The following DCDC1 variants were observed in gnomAD, a reference collection of about 807,000 sequenced individuals.
The protein encoded by DCDC1 is doublecortin domain containing 1, also known as doublecortin domain-containing protein 1.
Under a neutral mutation model 178.3 loss-of-function variants are expected in DCDC1, and 200 were observed. That is an observed-to-expected ratio of 1.12 (90% CI 1.00 to 1.26). The LOEUF (loss-of-function observed/expected upper bound fraction) is 1.26, where lower values mean the gene tolerates loss of function less well. Among genes scored for constraint, DCDC1 ranks in the 50% most tolerant of loss-of-function variants. DCDC1 has a pLI of 0.00. For synonymous variants in DCDC1, 690 were observed against 604.8 expected (o/e 1.14, Z -2.07); for missense variants, 1,983 against 1,749.2 (o/e 1.13, Z -2.38).
chr11:30,878,035 T>C (rs1942297938), intron 38 of DCDC1, among the ~76,000 whole-genome samples: 1 of 152,194 alleles, frequency 6.6e-6, no homozygotes, highest in Admixed American at 6.5e-5. Context: ...CCTTCTTTTC[T>C]TGGAAGAAAA....
In DCDC1 at chr11:30,925,352, C is replaced by T. The variant is rs757064531; in HGVS notation, c.2954G>A (p.Gly985Glu). 3.7e-6 allele frequency: 6 copies of T among 1,613,656 alleles called. No homozygotes were observed. In the South Asian group the frequency reaches 4.4e-5, roughly 12 times the overall value. ...GTCTTTTAAGGCAAATATTTCCTTC[C>T]CCTTTTCATTGTACAATCTCCGAGC... ...SAARRLYNEK[G>E]KEIFALKDLQ... The change falls in exon 23 of 39, where the codon GGG (glycine) becomes GAG (glutamate). Residue 985 changes from glycine to glutamate, a missense_variant. Coordinates refer to ENST00000684477, the MANE Select transcript of DCDC1 (RefSeq NM_001387274.1).
Position 30,920,766 on chromosome 11 carries a change from G to A in DCDC1, c.3293+10C>T. 6.2e-7 allele frequency: 1 copy of A among 1,612,832 alleles called. No individual in the cohort carries two copies. The highest frequency in any genetic ancestry group is 1.1e-5 in the South Asian group (1 of 90,772). On this transcript the variant is annotated intron_variant, in intron 25 of 38. Transcript: ENST00000684477. ...GCCAGGTAGCTTTTCAGGCTACACT[G>A]ATTACTTACAGAATTTCACTGGAAG...
chr11:31,163,735 G>T (rs1219171061), intron 9 of DCDC1, among the ~76,000 whole-genome samples: 2 of 152,074 alleles, frequency 1.3e-5, no homozygotes, highest in Non-Finnish European at 2.9e-5. Context: ...TATTTTAAGG[G>T]GGGATGGTAC....
intron 9 of DCDC1, among the ~76,000 whole-genome samples, chr11:31,144,971 A>G (rs1964281747): frequency 6.6e-6 from 1 of 152,104 alleles, no homozygotes; most frequent in Non-Finnish European, 1.5e-5. Flanking sequence ...TTATGACTCC[A>G]ACTATATTAT....
Position 31,159,806 on chromosome 11 carries a change from C to T in DCDC1, c.1222-22022G>A, listed in dbSNP as rs113380704. 8.3e-3 allele frequency among the ~76,000 whole-genome samples: 1,259 copies of T among 152,290 alleles called. 22 individuals are homozygous for T. Among genetic ancestry groups the T allele is most frequent in the African/African-American group, 0.029 (1,205 of 41,554 alleles). On this transcript the variant is annotated intron_variant, in intron 9 of 38. Transcript: ENST00000684477. Reference sequence around the variant, plus strand: ...AAAAGAAAAAAAATCAATGGCTTAGCTGTGTAGGTGGCATGATCCTGTGTA... The same window carrying T: ...AAAAGAAAAAAAATCAATGGCTTAGTTGTGTAGGTGGCATGATCCTGTGTA...
intron 20 of DCDC1, among the ~76,000 whole-genome samples, chr11:30,963,214 G>A (rs1407952683): frequency 1.3e-5 from 2 of 152,092 alleles, no homozygotes; most frequent in Admixed American, 1.3e-4. Flanking sequence ...AGAAACCAAG[G>A]AAGAATAATC....
intron 7 of DCDC1, among the ~76,000 whole-genome samples, chr11:31,278,625 T>C (rs577922813): frequency 5.3e-5 from 8 of 152,176 alleles, no homozygotes; most frequent in Non-Finnish European, 1.0e-4. Flanking sequence ...TTAATAACAG[T>C]ATATTATACA....
chr11:31,342,918 G>A (rs1422687035), intron 1 of DCDC1, among the ~76,000 whole-genome samples: 1 of 152,180 alleles, frequency 6.6e-6, no homozygotes, highest in Non-Finnish European at 1.5e-5. Flanking sequence ...TTCAGTGAAA[G>A]AGGTAATTAT....
chr11:31,059,519 T>C (rs1262141050), intron 20 of DCDC1, among the ~76,000 whole-genome samples: 1 of 152,066 alleles, frequency 6.6e-6, no homozygotes, highest in African/African-American at 2.4e-5. Context: ...AAAAGTAATG[T>C]AATAAAGCCT....
At chr11:30,939,574 C>T (rs1372312014) in intron 21 of DCDC1, among the ~76,000 whole-genome samples, 1 of 152,160 alleles carries the variant, frequency 6.6e-6, no homozygotes, top group Non-Finnish European at 1.5e-5. Flanking sequence ...TAAAATCTTC[C>T]CAAATGTTGC....
intron 8 of DCDC1, among the ~76,000 whole-genome samples, chr11:31,244,835 A>G (rs1407187876): frequency 6.6e-6 from 1 of 151,746 alleles, no homozygotes; most frequent in Admixed American, 6.6e-5. Context: ...AGTTATGACT[A>G]TAGGGCAAAA....
chr11:31,013,749 T>A (rs1952311727), intron 20 of DCDC1, among the ~76,000 whole-genome samples: 7 of 152,240 alleles, frequency 4.6e-5, no homozygotes. Flanking sequence ...TGTAAATTTA[T>A]AATATAATTT....
At chr11:31,153,358 G>A (rs1965372392) in intron 9 of DCDC1, among the ~76,000 whole-genome samples, 1 of 152,004 alleles carries the variant, frequency 6.6e-6, no homozygotes, top group African/African-American at 2.4e-5. Context: ...GAAATTATGA[G>A]AGACTCTCAA....
At chr11:31,244,186 G>C (rs909077204) in intron 8 of DCDC1, among the ~76,000 whole-genome samples, 3 of 151,614 alleles carry the variant, frequency 2.0e-5, no homozygotes, top group Non-Finnish European at 4.4e-5. Flanking sequence ...ATTTAAAAAG[G>C]AGCCTCGGCC....
At chr11:31,183,367 T>C (rs1409073735) in intron 9 of DCDC1, among the ~76,000 whole-genome samples, 1 of 152,082 alleles carries the variant, frequency 6.6e-6, no homozygotes. Flanking sequence ...CCTCAGCAAA[T>C]GCAGAATGGA....
chr11:31,002,640 G>A (rs1951638390), intron 20 of DCDC1, among the ~76,000 whole-genome samples: 1 of 152,110 alleles, frequency 6.6e-6, no homozygotes, highest in Non-Finnish European at 1.5e-5. Flanking sequence ...TAATCCTTCA[G>A]TTATTCCTCT....
In DCDC1 at chr11:31,064,640, T is replaced by C. The variant is rs368837104; in HGVS notation, c.2434-14A>G. On this transcript the variant is annotated splice_polypyrimidine_tract_variant and intron_variant, in intron 19 of 38. Coordinates refer to ENST00000684477, the MANE Select transcript of DCDC1 (RefSeq NM_001387274.1). ...TTCTTGCAGAACCTAATAAATGAAA[T>C]ATAGGAATCATGTAGCTAATTTTCA... 1 of 764,934 alleles carries C rather than the reference T, an allele frequency of 1.3e-6. No individual in the cohort carries two copies. The highest frequency in any genetic ancestry group is 2.4e-6 in the Non-Finnish European group (1 of 417,118). 47.4% of individuals were successfully genotyped at this position (764,934 alleles called of 1,614,324 possible).
intron 9 of DCDC1, among the ~76,000 whole-genome samples, chr11:31,166,334 C>G (rs929410047): frequency 2.0e-5 from 3 of 152,040 alleles, no homozygotes; most frequent in Non-Finnish European, 4.4e-5. Flanking sequence ...TATGTGAGAA[C>G]CAGTTATTTC....
chr11:31,052,921 A>T (rs916620855), intron 20 of DCDC1, among the ~76,000 whole-genome samples: 2 of 152,138 alleles, frequency 1.3e-5, no homozygotes, highest in Admixed American at 6.5e-5. Flanking sequence ...TCACACCTCA[A>T]GGAACTAGAG....
Sources: gnomAD v4.1 joint callset for allele counts (sites outside exome capture counted in the v4.1 genomes callset) on GRCh38, gnomAD v4.1.1 for gene constraint, MANE v1.5 for transcripts, NCBI Gene and HGNC (gene_info 2026-07-23, HGNC 2026-07-21) for gene names.